CNTN1: variants seen among roughly 807,000 people sequenced by gnomAD.
The protein encoded by CNTN1 is contactin-1.
CNTN1 carries 38 observed loss-of-function variants against 126.4 expected under a neutral mutation model. That is an observed-to-expected ratio of 0.30 (90% CI 0.23 to 0.39). CNTN1 has a LOEUF of 0.39. Among genes scored for constraint, CNTN1 ranks in the 10% least tolerant of loss-of-function variants. The probability of loss-of-function intolerance (pLI) is 1.00; values close to 1 mark genes in which losing one functional copy is unlikely to be tolerated. For synonymous variants in CNTN1, 413 were observed against 422.6 expected (o/e 0.98, Z 0.28); for missense variants, 1,009 against 1,248.4 (o/e 0.81, Z 2.89).
At chr12:40,722,474 T>A (rs1942240975) in intron 1 of CNTN1, among the ~76,000 whole-genome samples, 1 of 152,250 alleles carries the variant, frequency 6.6e-6, no homozygotes, top group East Asian at 1.9e-4. Context: ...GGTTGTAAGG[T>A]CTCTATTAGA....
chr12:40,932,172 A>T (rs954181269), intron 7 of CNTN1, among the ~76,000 whole-genome samples: 1 of 151,440 alleles, frequency 6.6e-6, no homozygotes. Flanking sequence ...CCTCACCCAA[A>T]TCTCACCTTG....
intron 1 of CNTN1, among the ~76,000 whole-genome samples, chr12:40,764,125 C>T (rs964552886): frequency 2.0e-5 from 3 of 152,122 alleles, no homozygotes; most frequent in African/African-American, 7.2e-5. Flanking sequence ...AAGGGGTACT[C>T]CTTCCATAGA....
chr12:40,945,894 A>G (rs1946420864), intron 14 of CNTN1, among the ~76,000 whole-genome samples: 1 of 152,118 alleles, frequency 6.6e-6, no homozygotes. Context: ...TCCAGAGCAG[A>G]GTCCTGACCG....
At chr12:40,864,221 T>C (rs111458315) in intron 1 of CNTN1, among the ~76,000 whole-genome samples, 3,419 of 151,784 alleles carry the variant, frequency 0.023, 132 homozygotes, top group African/African-American at 0.078. Context: ...GGTTTCACCA[T>C]GTTGGTTAGG....
chr12:40,983,808 C>T (rs936141385), intron 16 of CNTN1, among the ~76,000 whole-genome samples: 27 of 145,786 alleles, frequency 1.9e-4, no homozygotes, highest in South Asian at 4.3e-4. Context: ...TACTATAATA[C>T]TGTATATTAA....
intron 23 of CNTN1, among the ~76,000 whole-genome samples, chr12:41,034,028 C>T (rs983286986): frequency 6.6e-5 from 10 of 151,522 alleles, no homozygotes; most frequent in South Asian, 2.1e-4. Context: ...CCAGCCTGGG[C>T]GACAGAGTGA....
At chr12:40,782,797 A>G (rs1179651520) in intron 1 of CNTN1, among the ~76,000 whole-genome samples, 1 of 152,044 alleles carries the variant, frequency 6.6e-6, no homozygotes, top group Non-Finnish European at 1.5e-5. Context: ...GAAAGAATCC[A>G]CAATCTATAT....
intron 1 of CNTN1, among the ~76,000 whole-genome samples, chr12:40,883,713 A>T (rs1943943745): frequency 6.6e-6 from 1 of 151,652 alleles, no homozygotes; most frequent in East Asian, 1.9e-4. Context: ...ATAATCTATT[A>T]ACTGTGTATC....
chr12:40,706,611 T>C (rs1430895458), intron 1 of CNTN1, among the ~76,000 whole-genome samples: 1 of 150,476 alleles, frequency 6.6e-6, no homozygotes, highest in Non-Finnish European at 1.5e-5. Flanking sequence ...CACAGTAATG[T>C]TTTGGATGTT....
intron 1 of CNTN1, among the ~76,000 whole-genome samples, chr12:40,738,089 T>C (rs1209413984): frequency 6.6e-6 from 1 of 152,072 alleles, no homozygotes; most frequent in Non-Finnish European, 1.5e-5. Context: ...GTATTCTTAA[T>C]AAATAATCTA....
intron 3 of CNTN1, among the ~76,000 whole-genome samples, chr12:40,910,441 C>G (rs1020209158): frequency 6.6e-6 from 1 of 152,124 alleles, no homozygotes; most frequent in Admixed American, 6.5e-5. Flanking sequence ...TTTTGAAAGC[C>G]TCTTGCTTTG....
chr12:40,867,642 G>C (rs1465184900), intron 1 of CNTN1, among the ~76,000 whole-genome samples: 1 of 151,984 alleles, frequency 6.6e-6, no homozygotes, highest in African/African-American at 2.4e-5. Flanking sequence ...AAAATAACTT[G>C]TCTGCAGAAA....
intron 1 of CNTN1, among the ~76,000 whole-genome samples, chr12:40,871,772 A>G (rs1943504991): frequency 6.6e-6 from 1 of 152,130 alleles, no homozygotes; most frequent in African/African-American, 2.4e-5. Context: ...TTCTAAGATA[A>G]TTTGAATACT....
At chr12:40,894,682 T>G (rs1944347356) in intron 1 of CNTN1, among the ~76,000 whole-genome samples, 1 of 152,204 alleles carries the variant, frequency 6.6e-6, no homozygotes, top group Non-Finnish European at 1.5e-5. Flanking sequence ...TTATTTAATA[T>G]TTTATCTATT....
rs1334810849 is a variant in CNTN1, at chr12:40,984,007, T to C, written c.1963+2940T>C. ...TATGATATTAATATTTAGTAATATA[T>C]TATTAAATATATTACTCACACACAG... On this transcript the variant is annotated intron_variant, in intron 16 of 23. Transcript: ENST00000551295. Among the ~76,000 whole-genome samples the C allele has an allele frequency of 2.6e-5, 3 of 115,488 alleles. No individual in the cohort carries two copies. In the Admixed American group the frequency reaches 2.6e-4, roughly 10 times the overall value. The allele number at this position is 115,488 out of a possible 152,430, so 75.8% of individuals were successfully genotyped here.
At chr12:40,943,839 A>T in intron 13 of CNTN1, 115 bp downstream of exon 13, 1 of 1,435,580 alleles carries the variant, frequency 7.0e-7, no homozygotes. Flanking sequence ...AATTTCAGGC[A>T]AGTTTCTTGC....
At chr12:41,022,066 A>G (rs1046981768) in intron 20 of CNTN1, among the ~76,000 whole-genome samples, 1 of 152,176 alleles carries the variant, frequency 6.6e-6, no homozygotes, top group Non-Finnish European at 1.5e-5. Context: ...AAAACATGCT[A>G]GAAAATTATA....
chr12:41,029,158 T>C lies in CNTN1; in HGVS notation c.2919T>C (p.Val973=), dbSNP rs1343293528. The change falls in exon 23 of 24, where the codon GTT becomes GTC. Residue 973 remains valine, a synonymous_variant. Coordinates refer to ENST00000551295, the MANE Select transcript of CNTN1 (RefSeq NM_001843.4). The stretch of plus-strand genomic sequence containing the variant: ...CAATCCCCAGAGATGGAGAATACGT[T>C]GTGGAGGTTCGCGCGCACAGTGATG... The part of the protein sequence containing the change: ...EVPIPRDGEY[V]VEVRAHSDGG... 3 of 1,613,948 alleles carry C rather than the reference T, an allele frequency of 1.9e-6. No homozygotes were observed. The highest frequency in any genetic ancestry group is 2.2e-5 in the South Asian group (2 of 91,092).
chr12:40,752,110 T>A (rs1188497975), intron 1 of CNTN1, among the ~76,000 whole-genome samples: 2 of 152,054 alleles, frequency 1.3e-5, no homozygotes, highest in African/African-American at 4.8e-5. Context: ...ACAAAATAAA[T>A]TTGGAATATA....
Sources: gnomAD v4.1 joint callset for allele counts (sites outside exome capture counted in the v4.1 genomes callset) on GRCh38, gnomAD v4.1.1 for gene constraint, MANE v1.5 for transcripts, NCBI Gene and HGNC (gene_info 2026-07-23, HGNC 2026-07-21) for gene names.